IDI2: variants seen among roughly 807,000 people sequenced by gnomAD.
IDI2 encodes the protein isopentenyl-diphosphate delta-isomerase 2.
A neutral mutation model predicts 14.8 loss-of-function variants in IDI2; 18 were observed. The observed-to-expected ratio is 1.22, with a 90% confidence interval of 0.84 to 1.80. The LOEUF (loss-of-function observed/expected upper bound fraction) is 1.80. IDI2 is among the 40% of genes most tolerant of loss of function. IDI2 has a pLI of 0.00. For synonymous variants in IDI2, 133 were observed against 109.6 expected, an observed-to-expected ratio of 1.21 and a Z score of -1.33; for missense variants, 316 against 283.2, an observed-to-expected ratio of 1.12 and a Z score of -0.83.
intron 2 of IDI2, among the ~76,000 whole-genome samples, 196 bp from the exon 3 acceptor site, chr10:1,022,971 T>C (rs1440369279): frequency 1.3e-5 from 2 of 152,076 alleles, no homozygotes; most frequent in Non-Finnish European, 2.9e-5. Context: ...AAACTAAAAA[T>C]AGATCTACCA....
Position 1,020,814 on chromosome 10 carries a change from C to T in IDI2, c.319G>A (p.Ala107Thr). ...EEKDAIGVRR[A>T]AQRRLQAELG... ...TCTGCTTGCAGACGCCTCTGGGCTG[C>T]CCTCCTCACTCCGATGGCATCCTTT... The change falls in exon 4 of 5, where the codon GCA becomes ACA. Residue 107 changes from alanine to threonine, a missense_variant. By Grantham distance (58) the Ala-to-Thr change is moderately conservative (BLOSUM62 0). Transcript: ENST00000277517. 1 of 1,613,974 alleles carries T rather than the reference C, an allele frequency of 6.2e-7. No homozygotes were observed. The highest frequency in any genetic ancestry group is 8.5e-7 in the Non-Finnish European group (1 of 1,179,936).
rs1004395171 is a variant in IDI2, at chr10:1,019,883, G to T, written c.367-49C>A. 5 of 1,256,448 alleles carry T rather than the reference G, an allele frequency of 4.0e-6. No homozygotes were observed. The African/African-American group carries it at 7.5e-5, about 19-fold the overall frequency. The allele number at this position is 1,256,448 out of a possible 1,614,324, so 77.8% of individuals were successfully genotyped here. A position where few individuals can be genotyped will look rare whatever the true frequency, so the allele number is the denominator to read the frequency against. On this transcript the variant is annotated intron_variant, in intron 4 of 4. Coordinates refer to ENST00000277517, the MANE Select transcript of IDI2 (RefSeq NM_033261.3). Reference sequence around the variant, plus strand: ...GTTAACAACGCTAATGTAAAACACAGAATTTACAGAAAAATAGAGAAAATA... The same window carrying T: ...GTTAACAACGCTAATGTAAAACACATAATTTACAGAAAAATAGAGAAAATA...
intron 3 of IDI2, among the ~76,000 whole-genome samples, chr10:1,021,738 C>T (rs1369265933): frequency 3.9e-5 from 6 of 152,290 alleles, no homozygotes; most frequent in African/African-American, 9.6e-5. Flanking sequence ...TCAAGGAGCC[C>T]GTGAGTACAA....
Position 1,019,352 on chromosome 10 carries a change from G to A in IDI2, c.*165C>T, listed in dbSNP as rs1832047053. 1 of 565,250 alleles carries A rather than the reference G, an allele frequency of 1.8e-6. No homozygotes were observed. The allele number at this position is 565,250 out of a possible 1,614,324, so 35.0% of individuals were successfully genotyped here. A position where few individuals can be genotyped will look rare whatever the true frequency, so the allele number is the denominator to read the frequency against. On this transcript the variant is annotated 3_prime_UTR_variant, in exon 5 of 5. Transcript: ENST00000277517. Reference sequence around the variant, plus strand: ...TATGGAAATAAGGAAAAGGGAAAATGAAGATATGACAAAGTTGATGAAAAG... The same window carrying A: ...TATGGAAATAAGGAAAAGGGAAAATAAAGATATGACAAAGTTGATGAAAAG...
At chr10:1,022,221 T>C (rs931463202) in intron 3 of IDI2, among the ~76,000 whole-genome samples, 2 of 149,810 alleles carry the variant, frequency 1.3e-5, no homozygotes, top group Admixed American at 6.7e-5. Flanking sequence ...ATGGCGCCAC[T>C]GCACTCCAGC....
intron 3 of IDI2, among the ~76,000 whole-genome samples, chr10:1,021,610 G>GAT (rs1832102946): frequency 6.6e-6 from 1 of 152,204 alleles, no homozygotes; most frequent in Non-Finnish European, 1.5e-5. Flanking sequence ...GCTAACACAT[G>GAT]ATAGGAAATC....
At chr10:1,023,048 T>G (rs184241674) in intron 2 of IDI2, among the ~76,000 whole-genome samples, 58 of 152,266 alleles carry the variant, frequency 3.8e-4, no homozygotes, top group African/African-American at 1.3e-3. Context: ...ATCAGAGAGA[T>G]ATCGCAGCAT....
rs747380869 is a variant in IDI2, at chr10:1,021,042, CAG to C, written c.236-147_236-146del. The C allele has an allele frequency of 5.0e-5, 42 of 838,568 alleles. No individual in the cohort carries two copies. In the South Asian group the frequency reaches 7.6e-4, roughly 15 times the overall value. 51.9% of individuals were successfully genotyped at this position (838,568 alleles called of 1,614,324 possible). On this transcript the variant is annotated intron_variant, in intron 3 of 4. Coordinates refer to ENST00000277517, the MANE Select transcript of IDI2 (RefSeq NM_033261.3). ...GGGGAGTGGGTTTGTCATGGGCTCT[CAG>C]AGCAGCACTCGCCTCCAGCCTCCAC...
chr10:1,019,412 A>G lies in IDI2; in HGVS notation c.*105T>C, dbSNP rs1832048154. 6 of 766,548 alleles carry G rather than the reference A, an allele frequency of 7.8e-6. No individual in the cohort carries two copies. Among genetic ancestry groups the G allele is most frequent in the Non-Finnish European group, 1.2e-5 (6 of 481,326 alleles). 47.5% of individuals were successfully genotyped at this position (766,548 alleles called of 1,614,324 possible). A position where few individuals can be genotyped will look rare whatever the true frequency, so the allele number is the denominator to read the frequency against. On this transcript the variant is annotated 3_prime_UTR_variant, in exon 5 of 5. Coordinates refer to ENST00000277517, the MANE Select transcript of IDI2 (RefSeq NM_033261.3). ...GTGATTTATACATGATGGGCAATCA[A>G]GTGCCCCTTTTGCCCTGTTTTTTGG...
Position 1,021,954 on chromosome 10 carries a change from C to T in IDI2, c.235+729G>A, listed in dbSNP as rs539082917. 1.1e-4 allele frequency among the ~76,000 whole-genome samples: 17 copies of T among 152,312 alleles called. No homozygotes were observed. In the East Asian group the frequency reaches 3.1e-3, roughly 28 times the overall value. ...TAAATGACCACAATTGACGTAAATG[C>T]TGTTCCCCTCTAAAAAATTTTTTGG... On this transcript the variant is annotated intron_variant, in intron 3 of 4. Transcript: ENST00000277517.
At chr10:1,024,448 G>A (rs570252887) in intron 2 of IDI2, 134 bp downstream of exon 2, 22 of 923,034 alleles carry the variant, frequency 2.4e-5, no homozygotes, top group Middle Eastern at 3.5e-4. Flanking sequence ...TTCTAAAGAC[G>A]GCACAGCAAG....
chr10:1,023,475 CA>C (rs1167849191), intron 2 of IDI2, among the ~76,000 whole-genome samples: 4,317 of 76,124 alleles, frequency 0.057, 82 homozygotes, highest in African/African-American at 0.13. Flanking sequence ...GACTCTGTCT[CA>C]AAAAAAAAAA....
chr10:1,021,546 T>G (rs1437344183), intron 3 of IDI2, among the ~76,000 whole-genome samples: 2 of 152,204 alleles, frequency 1.3e-5, no homozygotes, highest in Non-Finnish European at 2.9e-5. Context: ...TTGAATCCAC[T>G]CTTGCAAGTA....
Position 1,020,780 on chromosome 10 carries a change from A to G in IDI2, c.353T>C (p.Ile118Thr), listed in dbSNP as rs147142990. ...TGCTGTGTGTACCTGCTCCCCAGGA[A>G]TTCCCAGCTCTGCTTGCAGACGCCT... is the stretch of plus-strand genomic sequence containing the variant. ...AQRRLQAELG[I>T]PGEQISPEDI... Residue 118 changes from isoleucine to threonine, a missense_variant, in exon 4 of 5, where the codon ATT (isoleucine) becomes ACT (threonine). Physicochemically the swap from Ile to Thr is moderately conservative, Grantham distance 89. Transcript: ENST00000277517. 2 of 1,612,170 alleles carry G rather than the reference A, an allele frequency of 1.2e-6. No individual in the cohort carries two copies. Among genetic ancestry groups the G allele is most frequent in the South Asian group, 1.1e-5 (1 of 90,772 alleles).
chr10:1,022,828 G>T, intron 2 of IDI2, 53 bp from the exon 3 acceptor site: 1 of 1,351,788 alleles, frequency 7.4e-7, no homozygotes, highest in Non-Finnish European at 1.1e-6. Context: ...CTGTACGATT[G>T]TCCTTCGTGC....
At chr10:1,021,056 C>T (rs1173281026) in intron 3 of IDI2, among the ~76,000 whole-genome samples, 159 bp from the exon 4 acceptor site, 1 of 152,244 alleles carries the variant, frequency 6.6e-6, no homozygotes, top group African/African-American at 2.4e-5. Flanking sequence ...GCAGCACTCG[C>T]CTCCAGCCTC....
rs2132188465 is a variant in IDI2 at position 1,024,659 on chromosome 10, A to G, written c.65T>C (p.Ile22Thr). The G allele has an allele frequency of 1.9e-6, 3 of 1,613,998 alleles. No homozygotes were observed. The highest frequency in any genetic ancestry group is 1.1e-5 in the South Asian group (1 of 91,056). The part of the protein sequence containing the change: ...RQLQRLEEML[I>T]VVDENDKVIG... Reference sequence around the variant, plus strand: ...AACCTTATCATTCTCATCCACAACAATCAGCATTTCCTCCAAGCGCTGCAA... The same window carrying G: ...AACCTTATCATTCTCATCCACAACAGTCAGCATTTCCTCCAAGCGCTGCAA... Residue 22 changes from isoleucine to threonine, a missense_variant, in exon 2 of 5, where the codon ATT becomes ACT. Transcript: ENST00000277517.
At chr10:1,020,512 T>C (rs1392362285) in intron 4 of IDI2, among the ~76,000 whole-genome samples, 1 of 152,158 alleles carries the variant, frequency 6.6e-6, no homozygotes, top group African/African-American at 2.4e-5. Context: ...CGGTGTGTGG[T>C]CGACAGATTC....
chr10:1,019,856 G>A (rs764191760), intron 4 of IDI2, 22 bp from the exon 5 acceptor site: 3 of 1,542,160 alleles, frequency 1.9e-6, no homozygotes, highest in Non-Finnish European at 2.7e-6. Flanking sequence ...AATTGGTGCA[G>A]TGTTAACAAC....
Sources: gnomAD v4.1 joint callset for allele counts (sites outside exome capture counted in the v4.1 genomes callset) on GRCh38, gnomAD v4.1.1 for gene constraint, MANE v1.5 for transcripts, NCBI Gene and HGNC (gene_info 2026-07-23, HGNC 2026-07-21) for gene names.